Variants in DNAH14 observed in about 807,000 individuals in gnomAD.
DNAH14 encodes the protein axonemal beta dynein heavy chain 14.
In DNAH14, 478 loss-of-function variants were observed where a neutral mutation model predicts 520.9. The observed-to-expected ratio is 0.92, with a 90% CI of 0.85 to 0.99. The LOEUF (loss-of-function observed/expected upper bound fraction) is 0.99. Ranked by LOEUF, DNAH14 falls within the 50% of genes least tolerant of loss-of-function variation. The pLI is 0.00. For missense variants in DNAH14, 4,831 were observed against 5,234.5 expected (o/e 0.92, Z 2.38); for synonymous variants, 1,581 against 1,757.2 (o/e 0.90, Z 2.51).
chr1:224,974,318 C>T (rs1347196039), intron 8 of DNAH14, among the ~76,000 whole-genome samples, 165 bp downstream of exon 8: 1 of 152,126 alleles, frequency 6.6e-6, no homozygotes, highest in Non-Finnish European at 1.5e-5. Context: ...GACTATTAAA[C>T]ACTGTGTTTT....
At position 225,346,063 on chromosome 1, in the gene DNAH14, A is replaced by C; in HGVS notation, c.10780A>C (p.Ser3594Arg). The C allele has an allele frequency of 6.4e-7, 1 of 1,551,748 alleles. No individual in the cohort carries two copies. The highest frequency in any genetic ancestry group is 8.7e-7 in the Non-Finnish European group (1 of 1,147,000). Residue 3594 changes from serine (S) to arginine (R), a missense_variant, in exon 70 of 86, where the codon AGT (serine) becomes CGT (arginine). Transcript: ENST00000682510. ...KRIEATKKAE[S>R]EIQAIRKNYL... ...CATCGAAGCAACAAAAAAAGCTGAA[A>C]GTGAAATCCAAGCAATACGTAAAAA...
At chr1:225,211,185 G>A (rs2088355252) in intron 41 of DNAH14, among the ~76,000 whole-genome samples, 1 of 152,186 alleles carries the variant, frequency 6.6e-6, no homozygotes, top group African/African-American at 2.4e-5. Context: ...GGCTTCAGAA[G>A]GTGGGTAATA....
At chr1:225,354,226 T>A in intron 73 of DNAH14, 1 of 701,998 alleles carries the variant, frequency 1.4e-6, no homozygotes, top group Non-Finnish European at 2.6e-6. Flanking sequence ...GAACAGACCT[T>A]GGTCCTGTAG....
intron 74 of DNAH14, 81 bp from the exon 75 acceptor site, chr1:225,360,600 T>A (rs771733398): frequency 1.3e-5 from 16 of 1,264,584 alleles, no homozygotes; most frequent in Non-Finnish European, 1.8e-5. Flanking sequence ...CCAACACTAC[T>A]CAATAAATGC....
At chr1:225,105,446 A>G (rs1327945849) in intron 23 of DNAH14, among the ~76,000 whole-genome samples, 1 of 151,982 alleles carries the variant, frequency 6.6e-6, no homozygotes, top group Non-Finnish European at 1.5e-5. Context: ...ATCCTTGTTA[A>G]CTTTCTGTCT....
chr1:225,126,221 G>GA (rs1046530991), intron 27 of DNAH14, among the ~76,000 whole-genome samples: 1 of 152,010 alleles, frequency 6.6e-6, no homozygotes, highest in Non-Finnish European at 1.5e-5. Context: ...CATACTATTG[G>GA]AAAAAATGAC....
chr1:225,379,211 C>T (rs1347524768), intron 79 of DNAH14, among the ~76,000 whole-genome samples: 4 of 152,210 alleles, frequency 2.6e-5, no homozygotes, highest in Admixed American at 2.6e-4. Flanking sequence ...GCTGCTTCAG[C>T]GTGCTCTGTT....
rs568445807 is a variant in DNAH14 at position 225,170,279 on chromosome 1, T to G, written c.5535+2251T>G. ...AATTCACACATAACAATATTAACCT[T>G]AAATGTAAATGGGCTGAATGCTCCA... On this transcript the variant is annotated intron_variant, in intron 36 of 85. Coordinates refer to ENST00000682510, the MANE Select transcript of DNAH14 (RefSeq NM_001367479.1). 5.0e-3 allele frequency among the ~76,000 whole-genome samples: 768 copies of G among 152,250 alleles called. 6 individuals are homozygous for G. The highest frequency in any genetic ancestry group is 0.017 in the African/African-American group (725 of 41,538).
chr1:225,192,390 A>G (rs2085564149), intron 37 of DNAH14, among the ~76,000 whole-genome samples: 1 of 152,094 alleles, frequency 6.6e-6, no homozygotes, highest in South Asian at 2.1e-4. Flanking sequence ...TTCTATACTC[A>G]ACCCTGTCCC....
At chr1:225,372,310 C>T (rs2095628517) in intron 77 of DNAH14, among the ~76,000 whole-genome samples, 1 of 152,112 alleles carries the variant, frequency 6.6e-6, no homozygotes, top group African/African-American at 2.4e-5. Flanking sequence ...TGAAAGGGTC[C>T]TCCTTCACCA....
intron 8 of DNAH14, among the ~76,000 whole-genome samples, chr1:224,984,076 C>T (rs1042356494): frequency 5.3e-5 from 8 of 152,088 alleles, no homozygotes; most frequent in Admixed American, 2.0e-4. Flanking sequence ...AAAGAGTCTG[C>T]ATAGCCAAAG....
In DNAH14 at chr1:225,374,905, T is replaced by C. The variant is rs1266495265; in HGVS notation, c.12516+20T>C. 1.3e-5 allele frequency: 20 copies of C among 1,508,106 alleles called. No homozygotes were observed. The highest frequency in any genetic ancestry group is 1.6e-5 in the Non-Finnish European group (18 of 1,120,472). 93.4% of individuals were successfully genotyped at this position (1,508,106 alleles called of 1,614,324 possible). ...GATGGGGTAGGAAAAGAATCAATCT[T>C]CTTGCATTTCTCGATAATTTTAAAG... On this transcript the variant is annotated intron_variant, in intron 78 of 85. Coordinates refer to ENST00000682510, the MANE Select transcript of DNAH14 (RefSeq NM_001367479.1).
chr1:225,119,229 T>C lies in DNAH14; in HGVS notation c.4101T>C (p.Arg1367=), dbSNP rs1159740489. The change falls in exon 26 of 86, where the codon CGT becomes CGC. Residue 1367 remains arginine (R), a synonymous_variant. Transcript: ENST00000682510. The stretch of plus-strand genomic sequence containing the variant: ...TTGAAACTAATTTTAGGAAAATTCG[T>C]GTAAGAAGTGCTGTAGAACAGTGGC... ...GEGLVLPKKI[R]VRSAVEQWLV... is the part of the protein sequence containing the mutation. 2 of 1,519,340 alleles carry C rather than the reference T, an allele frequency of 1.3e-6. No homozygotes were observed. The highest frequency in any genetic ancestry group is 2.8e-5 in the African/African-American group (2 of 72,012). 94.1% of individuals were successfully genotyped at this position (1,519,340 alleles called of 1,614,324 possible).
intron 17 of DNAH14, among the ~76,000 whole-genome samples, chr1:225,055,599 A>G (rs1052554892): frequency 6.6e-5 from 10 of 151,980 alleles, no homozygotes; most frequent in Non-Finnish European, 1.2e-4. Flanking sequence ...GGTTAGTTAC[A>G]TATGTATACA....
chr1:224,973,166 G>A (rs2061601849), intron 7 of DNAH14, among the ~76,000 whole-genome samples: 1 of 152,208 alleles, frequency 6.6e-6, no homozygotes, highest in Non-Finnish European at 1.5e-5. Context: ...CCTCAGGTGG[G>A]CCTGTTTGAA....
intron 74 of DNAH14, 91 bp downstream of exon 74, chr1:225,358,743 C>A: frequency 7.4e-7 from 1 of 1,357,484 alleles, no homozygotes. Context: ...CCCCATAATC[C>A]CCACATGTCA....
At chr1:225,357,754 G>C (rs866289760) in intron 73 of DNAH14, 1 of 700,862 alleles carries the variant, frequency 1.4e-6, no homozygotes, top group African/African-American at 1.7e-5. Context: ...GGTCCAACCT[G>C]GTACATCAAA....
chr1:224,935,527 A>G (rs2058974534), intron 1 of DNAH14, among the ~76,000 whole-genome samples: 2 of 151,880 alleles, frequency 1.3e-5, no homozygotes, highest in African/African-American at 2.4e-5. Flanking sequence ...AGGAAGATAC[A>G]ACAGTTCTAA....
chr1:225,374,703 T>C lies in DNAH14; in HGVS notation c.12334T>C (p.Leu4112=), dbSNP rs115803833. The change falls in exon 78 of 86, where the codon TTG becomes CTG. Residue 4112 remains leucine (L), a synonymous_variant. Coordinates refer to ENST00000682510, the MANE Select transcript of DNAH14 (RefSeq NM_001367479.1). ...SSDLGVAIKV[L]ENSLRGQPSI... is the part of the protein sequence containing the mutation. ...TTTTCCAAAGGTTGCCATTAAGGTG[T>C]TGGAAAATTCCCTGAGAGGACAGCC... 2.4e-3 allele frequency: 3,716 copies of C among 1,548,942 alleles called. 75 individuals carry two copies. In the African/African-American group the frequency reaches 0.043, roughly 18 times the overall value.
Sources: gnomAD v4.1 joint callset for allele counts (sites outside exome capture counted in the v4.1 genomes callset) on GRCh38, gnomAD v4.1.1 for gene constraint, MANE v1.5 for transcripts, NCBI Gene and HGNC (gene_info 2026-07-23, HGNC 2026-07-21) for gene names.